B3GALT1: variants seen among roughly 807,000 people sequenced by gnomAD.
B3GALT1 encodes UDP-Gal:betaGlcNAc beta 1,3-galactosyltransferase, polypeptide 1.
B3GALT1 carries 10 observed loss-of-function variants against 23.2 expected under a neutral mutation model. The observed-to-expected ratio is 0.43, with a 90% CI of 0.27 to 0.73. The LOEUF is 0.73. Ranked by LOEUF, B3GALT1 falls within the 30% of genes least tolerant of loss-of-function variation. The pLI is 0.21. For synonymous variants in B3GALT1, 156 were observed against 141.5 expected (o/e 1.10, Z -0.73); for missense variants, 299 against 405.4 (o/e 0.74, Z 2.25).
At chr2:167,471,965 G>A (rs754143992) in intron 1 of B3GALT1, among the ~76,000 whole-genome samples, 3 of 152,108 alleles carry the variant, frequency 2.0e-5, no homozygotes, top group African/African-American at 7.2e-5. Flanking sequence ...AGAAAGTGCT[G>A]GCAGACCACA....
chr2:167,528,264 A>T (rs764873551), intron 2 of B3GALT1, among the ~76,000 whole-genome samples: 20 of 152,082 alleles, frequency 1.3e-4, no homozygotes, highest in Non-Finnish European at 2.5e-4. Flanking sequence ...TTGCAAGAAA[A>T]TGTCAGGTTA....
chr2:167,548,012 A>G (rs1467536814), intron 2 of B3GALT1, among the ~76,000 whole-genome samples: 1 of 152,238 alleles, frequency 6.6e-6, no homozygotes, highest in African/African-American at 2.4e-5. Flanking sequence ...TATTAATCTA[A>G]TCTTTTAAAT....
At chr2:167,718,286 A>AC (rs1200845287) in intron 3 of B3GALT1, among the ~76,000 whole-genome samples, 1 of 116,164 alleles carries the variant, frequency 8.6e-6, no homozygotes, top group Non-Finnish European at 2.0e-5. Flanking sequence ...TTCATAAACA[A>AC]AAAAAAAAAA....
At chr2:167,704,022 A>AT (rs1371693040) in intron 3 of B3GALT1, among the ~76,000 whole-genome samples, 1 of 152,006 alleles carries the variant, frequency 6.6e-6, no homozygotes, top group Non-Finnish European at 1.5e-5. Flanking sequence ...TCTACTAAAA[A>AT]TACAAAAAAT....
At chr2:167,545,266 A>G (rs1683615613) in intron 2 of B3GALT1, among the ~76,000 whole-genome samples, 1 of 151,392 alleles carries the variant, frequency 6.6e-6, no homozygotes, top group Non-Finnish European at 1.5e-5. Flanking sequence ...TGATCTTCTG[A>G]CCTTGTGATC....
intron 1 of B3GALT1, among the ~76,000 whole-genome samples, chr2:167,297,334 G>T (rs1696366941): frequency 6.6e-6 from 1 of 151,308 alleles, no homozygotes; most frequent in East Asian, 1.9e-4. Context: ...TTTGTAATGA[G>T]AATTCTTCTT....
chr2:167,447,704 A>G (rs990739479), intron 1 of B3GALT1, among the ~76,000 whole-genome samples: 4 of 152,188 alleles, frequency 2.6e-5, no homozygotes, highest in African/African-American at 7.2e-5. Flanking sequence ...TGCTAAGACC[A>G]TTGGAAAAGC....
chr2:167,781,962 C>G (rs971449277), intron 3 of B3GALT1, among the ~76,000 whole-genome samples: 2 of 152,116 alleles, frequency 1.3e-5, no homozygotes, highest in Admixed American at 1.3e-4. Flanking sequence ...AGGCTCGTCT[C>G]GAACTCCTGA....
At chr2:167,633,982 C>A (rs913496627) in intron 2 of B3GALT1, among the ~76,000 whole-genome samples, 9 of 152,000 alleles carry the variant, frequency 5.9e-5, no homozygotes, top group Non-Finnish European at 1.3e-4. Flanking sequence ...GAATGGAAAT[C>A]ATAACAAACG....
chr2:167,638,506 A>C (rs1416638179), intron 2 of B3GALT1, among the ~76,000 whole-genome samples: 1 of 152,034 alleles, frequency 6.6e-6, no homozygotes, highest in East Asian at 1.9e-4. Context: ...AAACTTCTTA[A>C]GTCAGAGAGA....
At chr2:167,540,577 G>C (rs1010572762) in intron 2 of B3GALT1, among the ~76,000 whole-genome samples, 79 of 152,122 alleles carry the variant, frequency 5.2e-4, no homozygotes, top group African/African-American at 1.8e-3. Context: ...CCAAAAACCT[G>C]GTGCTTACTT....
At chr2:167,851,938 C>T (rs753941177) in intron 4 of B3GALT1, among the ~76,000 whole-genome samples, 4 of 152,134 alleles carry the variant, frequency 2.6e-5, no homozygotes, top group Non-Finnish European at 5.9e-5. Context: ...TCACCCTGCT[C>T]CTATTACCCA....
intron 2 of B3GALT1, among the ~76,000 whole-genome samples, chr2:167,543,963 G>A (rs1448850435): frequency 2.0e-5 from 3 of 152,228 alleles, no homozygotes; most frequent in Non-Finnish European, 2.9e-5. Flanking sequence ...CCCTTGGCTC[G>A]ATTCAGCTCT....
At chr2:167,652,009 A>G (rs57027898) in intron 3 of B3GALT1, among the ~76,000 whole-genome samples, 2,141 of 152,242 alleles carry the variant, frequency 0.014, 89 homozygotes, top group East Asian at 0.11. Flanking sequence ...CTGAATGCTT[A>G]CAATAGACAG....
intron 3 of B3GALT1, among the ~76,000 whole-genome samples, chr2:167,758,225 TGATA>T (rs1301677893): frequency 2.0e-5 from 3 of 152,150 alleles, no homozygotes; most frequent in Non-Finnish European, 2.9e-5. Context: ...GAGAGCTCTC[TGATA>T]GATAGGCCAG....
intron 1 of B3GALT1, among the ~76,000 whole-genome samples, chr2:167,351,601 C>G (rs975743905): frequency 1.3e-5 from 2 of 151,796 alleles, no homozygotes; most frequent in African/African-American, 4.8e-5. Context: ...GAGGAGTGGT[C>G]AGGATTGAAG....
chr2:167,781,572 G>T (rs1688245173), intron 3 of B3GALT1, among the ~76,000 whole-genome samples: 1 of 152,106 alleles, frequency 6.6e-6, no homozygotes, highest in African/African-American at 2.4e-5. Flanking sequence ...AAATCAAAAC[G>T]ATTTTGGCTC....
intron 4 of B3GALT1, among the ~76,000 whole-genome samples, chr2:167,819,808 T>A (rs1431731669): frequency 6.6e-6 from 1 of 152,234 alleles, no homozygotes; most frequent in Non-Finnish European, 1.5e-5. Context: ...CTCTCCTGGT[T>A]CTTATTTACA....
intron 1 of B3GALT1, among the ~76,000 whole-genome samples, chr2:167,323,406 G>T (rs528848214): frequency 8.7e-5 from 13 of 150,140 alleles, no homozygotes; most frequent in African/African-American, 3.2e-4. Context: ...CCTTGAGTAG[G>T]CTGGTATTCA....
Sources: gnomAD v4.1 joint callset for allele counts (sites outside exome capture counted in the v4.1 genomes callset) on GRCh38, gnomAD v4.1.1 for gene constraint, MANE v1.5 for transcripts, NCBI Gene and HGNC (gene_info 2026-07-23, HGNC 2026-07-21) for gene names.